Variants in BDP1 observed in about 807,000 individuals in gnomAD.
BDP1 encodes transcription factor TFIIIB component B'' homolog.
In BDP1, 169 loss-of-function variants were observed where a neutral mutation model predicts 266.6. That is an observed-to-expected ratio of 0.63 (90% CI 0.56 to 0.72). BDP1 has a LOEUF of 0.72. BDP1 is among the 30% of genes least tolerant of loss of function. The pLI is 0.00. For synonymous variants in BDP1, 1,090 were observed against 1,022.4 expected, an observed-to-expected ratio of 1.07 and a Z score of -1.26; for missense variants, 3,015 against 3,053.8, an observed-to-expected ratio of 0.99 and a Z score of 0.30.
intron 10 of BDP1, among the ~76,000 whole-genome samples, chr5:71,490,350 G>C (rs1309531508): frequency 3.3e-5 from 5 of 152,168 alleles, no homozygotes; most frequent in Middle Eastern, 3.4e-3. Context: ...ATGCTTTGTA[G>C]GCATCTCAAT....
intron 32 of BDP1, among the ~76,000 whole-genome samples, chr5:71,547,536 G>T (rs137908488): frequency 0.025 from 3,813 of 152,278 alleles, 73 homozygotes; most frequent in South Asian, 0.074. Flanking sequence ...TTTCCATTCT[G>T]TATTAGTAAC....
At chr5:71,514,705 G>A (rs866359635) in intron 19 of BDP1, among the ~76,000 whole-genome samples, 3 of 151,810 alleles carry the variant, frequency 2.0e-5, no homozygotes, top group Non-Finnish European at 2.9e-5. Flanking sequence ...TTTTTTGTTT[G>A]TCTTTTCCGG....
intron 26 of BDP1, among the ~76,000 whole-genome samples, chr5:71,532,855 C>G (rs578148513): frequency 3.3e-5 from 5 of 152,138 alleles, no homozygotes; most frequent in African/African-American, 1.2e-4. Context: ...CTTCTAGTAT[C>G]GTGCAAACAT....
intron 2 of BDP1, among the ~76,000 whole-genome samples, chr5:71,460,334 C>T (rs1194890232): frequency 3.3e-5 from 5 of 152,168 alleles, no homozygotes; most frequent in South Asian, 2.1e-4. Flanking sequence ...GAGCCAAAAT[C>T]GTGCCATTGC....
intron 22 of BDP1, among the ~76,000 whole-genome samples, chr5:71,518,232 A>C (rs1248752938): frequency 6.6e-6 from 1 of 152,174 alleles, no homozygotes; most frequent in Non-Finnish European, 1.5e-5. Flanking sequence ...GTTTTAGTGA[A>C]GTATTTATTA....
chr5:71,487,290 G>A (rs1763317212), intron 9 of BDP1, among the ~76,000 whole-genome samples: 1 of 152,026 alleles, frequency 6.6e-6, no homozygotes, highest in Admixed American at 6.6e-5. Context: ...TGCCCAGGCT[G>A]GAGTGCAGTG....
At chr5:71,456,129 C>T (rs773764046) in intron 1 of BDP1, 40 bp downstream of exon 1, 2 of 1,571,980 alleles carry the variant, frequency 1.3e-6, no homozygotes, top group Non-Finnish European at 1.7e-6. Flanking sequence ...TTTGTCCCGC[C>T]TCTCCGGGCA....
intron 38 of BDP1, chr5:71,562,938 C>A: frequency 8.2e-7 from 1 of 1,223,982 alleles, no homozygotes; most frequent in Non-Finnish European, 1.0e-6. Context: ...GTATCAAAGA[C>A]TTTGTAAAAA....
intron 13 of BDP1, 81 bp from the exon 14 acceptor site, chr5:71,501,481 T>C: frequency 2.1e-6 from 2 of 937,398 alleles, no homozygotes; most frequent in South Asian, 1.4e-5. Context: ...GCCAGTTCTG[T>C]TGTTTTAATT....
intron 35 of BDP1, among the ~76,000 whole-genome samples, chr5:71,556,106 T>C (rs1376324340): frequency 1.3e-5 from 2 of 152,258 alleles, no homozygotes; most frequent in Admixed American, 1.3e-4. Flanking sequence ...CCTATGAGTT[T>C]TATCTTTTTT....
In BDP1 at chr5:71,511,688, GTTATTA is replaced by G. The variant is rs367785384; in HGVS notation, c.4060-544_4060-539del. Among the ~76,000 whole-genome samples, 408 of 151,952 alleles carry G rather than the reference GTTATTA, an allele frequency of 2.7e-3. 1 individual carries two copies. The highest frequency in any genetic ancestry group is 8.7e-3 in the African/African-American group (361 of 41,454). Reference sequence around the variant, plus strand: ...AATTTCCAACTGTGAAAAAGTCACTGTTATTATTATTATTTTTTTTCTTTAAGTCAG... The same window carrying G: ...AATTTCCAACTGTGAAAAAGTCACTGTTATTATTTTTTTTCTTTAAGTCAG... On this transcript the variant is annotated intron_variant, in intron 17 of 38. Transcript: ENST00000358731.
intron 13 of BDP1, among the ~76,000 whole-genome samples, chr5:71,498,405 C>A (rs998313911): frequency 6.6e-6 from 1 of 151,272 alleles, no homozygotes; most frequent in African/African-American, 2.4e-5. Flanking sequence ...CAATAAATTT[C>A]TTTATTCTTT....
chr5:71,557,070 A>G (rs901446077), intron 36 of BDP1, 145 bp downstream of exon 36: 9 of 451,320 alleles, frequency 2.0e-5, no homozygotes, highest in Non-Finnish European at 3.5e-5. Flanking sequence ...CTTTCCTGCA[A>G]AGGCCTTGGA....
At chr5:71,530,533 C>T (rs761765239) in intron 25 of BDP1, among the ~76,000 whole-genome samples, 9 of 151,964 alleles carry the variant, frequency 5.9e-5, no homozygotes, top group African/African-American at 1.2e-4. Flanking sequence ...CATGAGCTAC[C>T]GTGCCTGGCC....
chr5:71,541,423 TTTTAA>T (rs1766954445), intron 28 of BDP1, 26 bp from the exon 29 acceptor site: 2 of 1,016,646 alleles, frequency 2.0e-6, no homozygotes, highest in Non-Finnish European at 2.8e-6. Flanking sequence ...ATTTGGTCCA[TTTTAA>T]TTTTGTTTTT....
rs940245842 is a variant in BDP1, at chr5:71,482,801, C to T, written c.1015-1041C>T. On this transcript the variant is annotated intron_variant, in intron 7 of 38. Coordinates refer to ENST00000358731, the MANE Select transcript of BDP1 (RefSeq NM_018429.3). ...GGAAATGTTTAAATAACAGTATGAT[C>T]TTTTAAGGCAGAAATAAGATTATCT... Among the ~76,000 whole-genome samples, 3 of 152,058 alleles carry T rather than the reference C, an allele frequency of 2.0e-5. No homozygotes were observed. The East Asian group carries it at 5.8e-4, about 29-fold the overall frequency.
chr5:71,491,163 C>CAT, intron 11 of BDP1, 32 bp downstream of exon 11: 1 of 1,598,186 alleles, frequency 6.3e-7, no homozygotes, highest in East Asian at 2.2e-5. Flanking sequence ...GTTTTATCCA[C>CAT]ATCTGTTGAT....
chr5:71,466,005 G>A (rs1244491246), intron 4 of BDP1, 91 bp from the exon 5 acceptor site: 5 of 1,347,402 alleles, frequency 3.7e-6, no homozygotes, highest in African/African-American at 3.0e-5. Flanking sequence ...ATAGCTAGAA[G>A]GTTGAGTTTG....
intron 7 of BDP1, among the ~76,000 whole-genome samples, chr5:71,476,664 C>T (rs547828898): frequency 6.6e-6 from 1 of 152,178 alleles, no homozygotes; most frequent in African/African-American, 2.4e-5. Context: ...CTTCAGCCTC[C>T]TGAGTAGCTT....
Sources: gnomAD v4.1 joint callset for allele counts (sites outside exome capture counted in the v4.1 genomes callset) on GRCh38, gnomAD v4.1.1 for gene constraint, MANE v1.5 for transcripts, NCBI Gene and HGNC (gene_info 2026-07-23, HGNC 2026-07-21) for gene names.